Variants in VPS45 observed in about 807,000 individuals in gnomAD.
The protein encoded by VPS45 is vacuolar protein sorting 45 homolog, also known as vacuolar protein sorting-associated protein 45.
A neutral mutation model predicts 75.9 loss-of-function variants in VPS45; 35 were observed. That is an observed-to-expected ratio of 0.46 (90% CI 0.35 to 0.61). VPS45 has a LOEUF of 0.61. Among genes scored for constraint, VPS45 ranks in the 20% least tolerant of loss-of-function variants. The pLI is 0.00. For synonymous variants in VPS45, 220 were observed against 238.2 expected (o/e 0.92, Z 0.70); for missense variants, 559 against 685.9 (o/e 0.81, Z 2.07).
chr1:150,121,959 T>C, intron 14 of VPS45, among the ~76,000 whole-genome samples: 1 of 152,096 alleles, frequency 6.6e-6, no homozygotes, highest in East Asian at 1.9e-4. Context: ...GGGAAATTGA[T>C]AGTGCTTGGG....
chr1:150,137,012 C>T (rs1553813929), intron 14 of VPS45, among the ~76,000 whole-genome samples: 1 of 152,146 alleles, frequency 6.6e-6, no homozygotes, highest in Non-Finnish European at 1.5e-5. Context: ...GATTCTCCAG[C>T]CTGAGCCTCC....
chr1:150,077,048 G>A, intron 5 of VPS45, 46 bp from the exon 6 acceptor site: 1 of 1,613,156 alleles, frequency 6.2e-7, no homozygotes, highest in Non-Finnish European at 8.5e-7. Flanking sequence ...AGACTTGTAA[G>A]AGAAAATTCA....
chr1:150,072,300 C>A (rs1655119814), intron 3 of VPS45, 74 bp downstream of exon 3: 17 of 996,412 alleles, frequency 1.7e-5, no homozygotes, highest in Middle Eastern at 2.4e-4. Flanking sequence ...CCCTTCATAT[C>A]ATCAATAACT....
chr1:150,142,071 A>T (rs1382280339), intron 14 of VPS45, among the ~76,000 whole-genome samples: 2 of 152,222 alleles, frequency 1.3e-5, no homozygotes, highest in Non-Finnish European at 2.9e-5. Flanking sequence ...GCAATGACTC[A>T]TTAGAGTCCC....
intron 14 of VPS45, among the ~76,000 whole-genome samples, chr1:150,128,986 G>A (rs2101643945): frequency 9.3e-6 from 1 of 107,322 alleles, no homozygotes; most frequent in African/African-American, 6.0e-5. Flanking sequence ...CGTGATCTGA[G>A]TGCTGGGATT....
At chr1:150,098,879 C>G (rs782602894) in intron 13 of VPS45, 2 of 1,272,446 alleles carry the variant, frequency 1.6e-6, no homozygotes, top group Non-Finnish European at 2.0e-6. Flanking sequence ...TAAAGGCAAG[C>G]AACTTTTTCA....
At chr1:150,142,834 A>G (rs782024926) in intron 14 of VPS45, 2 of 449,562 alleles carry the variant, frequency 4.4e-6, no homozygotes, top group South Asian at 1.6e-5. Flanking sequence ...TGTATTTTTT[A>G]TAGAGATGGG....
intron 14 of VPS45, among the ~76,000 whole-genome samples, chr1:150,126,148 C>A (rs1658506675): frequency 6.6e-6 from 1 of 151,984 alleles, no homozygotes; most frequent in Non-Finnish European, 1.5e-5. Context: ...TCCTAGAAAG[C>A]AATTTAGCAT....
chr1:150,135,502 G>A (rs1208538228), intron 14 of VPS45, among the ~76,000 whole-genome samples: 3 of 152,054 alleles, frequency 2.0e-5, no homozygotes, highest in Non-Finnish European at 2.9e-5. Context: ...CTGACCTCAC[G>A]TGATCCACCC....
intron 14 of VPS45, among the ~76,000 whole-genome samples, chr1:150,122,835 CTACAAA>C (rs1658306158): frequency 6.6e-6 from 1 of 151,744 alleles, no homozygotes; most frequent in Non-Finnish European, 1.5e-5. Context: ...CCCATTTGTA[CTACAAA>C]TACAAAAATT....
At chr1:150,113,584 A>G (rs1553807638) in intron 14 of VPS45, among the ~76,000 whole-genome samples, 1 of 152,144 alleles carries the variant, frequency 6.6e-6, no homozygotes, top group Non-Finnish European at 1.5e-5. Context: ...CCTGTTCTTA[A>G]AAGATATTTT....
rs1655417267 is a variant in VPS45, at chr1:150,076,916, G to A, written c.370G>A (p.Glu124Lys). Residue 124 changes from glutamate to lysine, a missense_variant and splice_region_variant, in exon 5 of 15, where the codon GAA becomes AAA. Glu to Lys is a moderately conservative substitution (Grantham distance 56). Coordinates refer to ENST00000644510, the MANE Select transcript of VPS45 (RefSeq NM_007259.5). ...ACTATTCTTGGTGCTTTATTTGCAG[G>A]AATTTTATGGTGATTACATTGCTGT... ...DEQEVVAEVQ[E>K]FYGDYIAVNP... is the part of the protein sequence containing the mutation. The A allele has an allele frequency of 1.2e-6, 2 of 1,613,820 alleles. No individual in the cohort carries two copies. Among genetic ancestry groups the A allele is most frequent in the Non-Finnish European group, 8.5e-7 (1 of 1,179,926 alleles).
At chr1:150,124,099 G>C (rs969167738) in intron 14 of VPS45, among the ~76,000 whole-genome samples, 1 of 152,118 alleles carries the variant, frequency 6.6e-6, no homozygotes, top group Non-Finnish European at 1.5e-5. Context: ...AGCAAAGACA[G>C]ATAGTGCTGG....
intron 7 of VPS45, among the ~76,000 whole-genome samples, chr1:150,078,291 C>T (rs187392075): frequency 6.6e-5 from 10 of 152,144 alleles, no homozygotes; most frequent in African/African-American, 2.4e-4. Context: ...ACTTGGCATC[C>T]AAGAGCCTTC....
chr1:150,139,271 C>T (rs587622754), intron 14 of VPS45, among the ~76,000 whole-genome samples: 1 of 152,282 alleles, frequency 6.6e-6, no homozygotes, highest in Admixed American at 6.5e-5. Flanking sequence ...TCTACCCATT[C>T]CTTACCTCTC....
At chr1:150,118,854 T>A (rs1438989154) in intron 14 of VPS45, among the ~76,000 whole-genome samples, 7 of 152,248 alleles carry the variant, frequency 4.6e-5, no homozygotes, top group African/African-American at 1.7e-4. Context: ...TGAGCAGATA[T>A]CTTAGCAATA....
intron 14 of VPS45, among the ~76,000 whole-genome samples, chr1:150,121,277 A>G (rs1041474867): frequency 7.2e-5 from 11 of 152,174 alleles, no homozygotes; most frequent in Non-Finnish European, 1.3e-4. Flanking sequence ...TTTTCATTTC[A>G]TATATAATGA....
intron 12 of VPS45, among the ~76,000 whole-genome samples, chr1:150,092,837 C>CTTTTTTTTTTTT (rs11451750): frequency 3.2e-5 from 3 of 94,450 alleles, no homozygotes; most frequent in African/African-American, 8.4e-5. Context: ...GCTAGCCTTT[C>CTTTTTTTTTTTT]TTTTTTTTTT....
intron 10 of VPS45, 51 bp downstream of exon 10, chr1:150,082,934 A>C: frequency 6.6e-7 from 1 of 1,509,202 alleles, no homozygotes; most frequent in East Asian, 2.4e-5. Context: ...TGTGCCAGGC[A>C]GAGCAAGAGA....
Sources: gnomAD v4.1 joint callset for allele counts (sites outside exome capture counted in the v4.1 genomes callset) on GRCh38, gnomAD v4.1.1 for gene constraint, MANE v1.5 for transcripts, NCBI Gene and HGNC (gene_info 2026-07-23, HGNC 2026-07-21) for gene names.